NRG3: variants seen among roughly 807,000 people sequenced by gnomAD.
NRG3 encodes pro-neuregulin-3, membrane-bound isoform.
A neutral mutation model predicts 66.9 loss-of-function variants in NRG3; 31 were observed. The observed-to-expected ratio is 0.46, with a 90% CI of 0.35 to 0.63. NRG3 has a LOEUF of 0.63. NRG3 is among the 20% of genes least tolerant of loss of function. NRG3 has a pLI of 0.00. For synonymous variants in NRG3, 393 were observed against 359.4 expected, an observed-to-expected ratio of 1.09 and a Z score of -1.06; for missense variants, 910 against 878.9, an observed-to-expected ratio of 1.04 and a Z score of -0.45.
At position 82,020,861 on chromosome 10, in the gene NRG3, T is replaced by G. The variant is rs1419147568; in HGVS notation, c.823+144698T>G. On this transcript the variant is annotated intron_variant, in intron 1 of 8. Transcript: ENST00000372141. Reference sequence around the variant, plus strand: ...GCAATTAATAATTTTGTAATATAGCTGGATCGACTTTAATTTCTTTTGGCT... The same window carrying G: ...GCAATTAATAATTTTGTAATATAGCGGGATCGACTTTAATTTCTTTTGGCT... 2.0e-5 allele frequency among the ~76,000 whole-genome samples: 3 copies of G among 152,108 alleles called. No individual in the cohort carries two copies. In the East Asian group the frequency reaches 5.8e-4, roughly 29 times the overall value.
intron 3 of NRG3, among the ~76,000 whole-genome samples, chr10:82,837,835 A>G (rs2062854631): frequency 6.6e-6 from 1 of 152,184 alleles, no homozygotes; most frequent in Non-Finnish European, 1.5e-5. Flanking sequence ...TTTCAAAGGA[A>G]AAGGGTCACT....
chr10:82,678,348 A>G lies in NRG3; in HGVS notation c.954-60229A>G, dbSNP rs181715384. 2.6e-3 allele frequency among the ~76,000 whole-genome samples: 396 copies of G among 152,204 alleles called. 5 individuals are homozygous for G. The highest frequency in any genetic ancestry group is 9.1e-3 in the African/African-American group (376 of 41,532). ...AGATTTGGGTAGGTAAAGGAAAATT[A>G]CAGTCAAAGGGGGTTGTTCTCTGGC... On this transcript the variant is annotated intron_variant, in intron 2 of 8. Transcript: ENST00000372141.
At chr10:82,242,165 A>G (rs1417994000) in intron 1 of NRG3, among the ~76,000 whole-genome samples, 1 of 152,168 alleles carries the variant, frequency 6.6e-6, no homozygotes, top group Non-Finnish European at 1.5e-5. Context: ...AACATGTGCA[A>G]TACAAGTGAT....
At chr10:82,550,306 T>G (rs2044220204) in intron 2 of NRG3, among the ~76,000 whole-genome samples, 1 of 152,188 alleles carries the variant, frequency 6.6e-6, no homozygotes, top group South Asian at 2.1e-4. Context: ...CTAGAATACT[T>G]CAGCCTGCCA....
At chr10:82,264,078 T>C (rs1332215934) in intron 1 of NRG3, among the ~76,000 whole-genome samples, 1 of 152,262 alleles carries the variant, frequency 6.6e-6, no homozygotes, top group Middle Eastern at 3.4e-3. Context: ...AGAGAAAATG[T>C]CACATAGGCA....
chr10:82,109,535 T>TTGTGTGTGTGTGTG (rs747213240), intron 1 of NRG3, among the ~76,000 whole-genome samples: 1 of 138,774 alleles, frequency 7.2e-6, no homozygotes, highest in Non-Finnish European at 1.6e-5. Flanking sequence ...AAGAATAAGA[T>TTGTGTGTGTGTGTG]TGTGTGTGTG....
At chr10:82,909,527 A>G (rs1433875425) in intron 4 of NRG3, among the ~76,000 whole-genome samples, 4 of 152,160 alleles carry the variant, frequency 2.6e-5, no homozygotes, top group Non-Finnish European at 5.9e-5. Flanking sequence ...CCCTCCAAGT[A>G]CCATTCACTT....
At chr10:82,272,194 A>G (rs998554251) in intron 1 of NRG3, among the ~76,000 whole-genome samples, 7 of 152,080 alleles carry the variant, frequency 4.6e-5, no homozygotes, top group Admixed American at 3.9e-4. Context: ...ATTTGAATTG[A>G]TACCTGCATG....
At chr10:82,596,702 C>G (rs1219927836) in intron 2 of NRG3, among the ~76,000 whole-genome samples, 1 of 152,178 alleles carries the variant, frequency 6.6e-6, no homozygotes, top group African/African-American at 2.4e-5. Context: ...CTACCACTCT[C>G]TTTAAAAACT....
At chr10:82,973,515 G>A (rs923395444) in intron 6 of NRG3, among the ~76,000 whole-genome samples, 2 of 152,172 alleles carry the variant, frequency 1.3e-5, no homozygotes, top group African/African-American at 4.8e-5. Context: ...TGCCATGGGT[G>A]TGCATTAATT....
chr10:82,644,407 A>C (rs2133836028), intron 2 of NRG3, among the ~76,000 whole-genome samples: 1 of 152,214 alleles, frequency 6.6e-6, no homozygotes, highest in East Asian at 1.9e-4. Flanking sequence ...ATTTTCTTTT[A>C]TTCTTGAGGG....
Position 82,450,060 on chromosome 10 carries a change from GA to G in NRG3, c.953+91197del, listed in dbSNP as rs1322312480. Among the ~76,000 whole-genome samples, 4 of 152,302 alleles carry G rather than the reference GA, an allele frequency of 2.6e-5. No individual in the cohort carries two copies. The East Asian group carries it at 7.7e-4, about 29-fold the overall frequency. The stretch of plus-strand genomic sequence containing the variant: ...GCATGACAGAGTGGAGTGGTCTGTA[GA>G]AAAATAAGTTTGAGATATGCTTTTA... On this transcript the variant is annotated intron_variant, in intron 2 of 8. Transcript: ENST00000372141.
intron 1 of NRG3, among the ~76,000 whole-genome samples, chr10:82,205,129 A>G (rs1470917042): frequency 1.3e-5 from 2 of 152,184 alleles, no homozygotes; most frequent in African/African-American, 4.8e-5. Context: ...TACATAGGAG[A>G]ACTTTAGATG....
intron 1 of NRG3, among the ~76,000 whole-genome samples, chr10:82,261,867 T>TAATGGC: frequency 6.6e-6 from 1 of 152,288 alleles, no homozygotes; most frequent in Non-Finnish European, 1.5e-5. Context: ...AGCGTGGGCA[T>TAATGGC]CATGGCCATC....
chr10:82,393,048 A>T lies in NRG3; in HGVS notation c.953+34180A>T, dbSNP rs147363302. 5.3e-3 allele frequency among the ~76,000 whole-genome samples: 813 copies of T among 152,142 alleles called. 6 individuals are homozygous for T. Among genetic ancestry groups the T allele is most frequent in the African/African-American group, 0.019 (791 of 41,496 alleles). ...TTCTGCAGGAATGGGTTAAAATGGA[A>T]TGTTGATCAAATGCTCTGACTTCTT... On this transcript the variant is annotated intron_variant, in intron 2 of 8. Transcript: ENST00000372141.
At chr10:82,802,259 A>C (rs567374922) in intron 3 of NRG3, among the ~76,000 whole-genome samples, 1 of 152,208 alleles carries the variant, frequency 6.6e-6, no homozygotes, top group Non-Finnish European at 1.5e-5. Context: ...TGTTGCCACA[A>C]ATGAGTAGCA....
At chr10:82,264,343 A>G (rs2078187722) in intron 1 of NRG3, among the ~76,000 whole-genome samples, 2 of 152,302 alleles carry the variant, frequency 1.3e-5, no homozygotes, top group South Asian at 4.1e-4. Flanking sequence ...GAAACCCCTT[A>G]TAAAACCATT....
chr10:82,641,666 T>A (rs919850578), intron 2 of NRG3, among the ~76,000 whole-genome samples: 1 of 152,132 alleles, frequency 6.6e-6, no homozygotes, highest in Non-Finnish European at 1.5e-5. Flanking sequence ...ATTCAGGCAA[T>A]AACATCAATG....
intron 1 of NRG3, among the ~76,000 whole-genome samples, chr10:82,358,251 A>G (rs2083902830): frequency 6.6e-6 from 1 of 151,386 alleles, no homozygotes; most frequent in South Asian, 2.1e-4. Context: ...TGAAAGAATA[A>G]TTGGCTTAGC....
Sources: gnomAD v4.1 joint callset for allele counts (sites outside exome capture counted in the v4.1 genomes callset) on GRCh38, gnomAD v4.1.1 for gene constraint, MANE v1.5 for transcripts, NCBI Gene and HGNC (gene_info 2026-07-23, HGNC 2026-07-21) for gene names.